Variants in GLMN observed in about 807,000 individuals in gnomAD.
GLMN encodes glomulin.
A neutral mutation model predicts 87.8 loss-of-function variants in GLMN; 75 were observed. That is an observed-to-expected ratio of 0.85 (90% confidence interval 0.71 to 1.04). The LOEUF (loss-of-function observed/expected upper bound fraction) is 1.04, where lower values mean the gene tolerates loss of function less well. Ranked by LOEUF, GLMN falls within the 50% of genes least tolerant of loss-of-function variation. The pLI is 0.00. For synonymous variants in GLMN, 206 were observed against 221.6 expected (o/e 0.93, Z 0.63); for missense variants, 588 against 658.8 (o/e 0.89, Z 1.18).
At chr1:92,358,497 T>C in the GLMN span, among the ~76,000 whole-genome samples, 2,122 of 152,332 alleles carry the variant, frequency 0.014, 49 homozygotes, top group African/African-American at 0.047. Flanking sequence ...TTAGCACTTA[T>C]CCTGTTTTCA....
the GLMN span, among the ~76,000 whole-genome samples, chr1:92,313,466 G>T: frequency 8.8e-5 from 13 of 147,030 alleles, no homozygotes; most frequent in African/African-American, 2.7e-4. Flanking sequence ...TTGAGCAGTA[G>T]GTTTCAACAG....
At chr1:92,294,616 T>C (rs1028190778) in intron 3 of GLMN, among the ~76,000 whole-genome samples, 3 of 152,172 alleles carry the variant, frequency 2.0e-5, no homozygotes, top group Non-Finnish European at 4.4e-5. Flanking sequence ...TAGGTGAAGA[T>C]AATAGTAAAT....
At chr1:92,257,246 A>G (rs957441749) in intron 16 of GLMN, among the ~76,000 whole-genome samples, 1 of 151,798 alleles carries the variant, frequency 6.6e-6, no homozygotes, top group Non-Finnish European at 1.5e-5. Context: ...TCAAAGAAAT[A>G]AGAGAGGACA....
chr1:92,292,441 C>T (rs994187144), intron 3 of GLMN, among the ~76,000 whole-genome samples: 10 of 151,908 alleles, frequency 6.6e-5, no homozygotes, highest in South Asian at 2.1e-4. Context: ...AACTGAGTCT[C>T]GCTCTGTCGC....
At chr1:92,356,202 C>G in the GLMN span, among the ~76,000 whole-genome samples, 1 of 151,938 alleles carries the variant, frequency 6.6e-6, no homozygotes. Flanking sequence ...GGTCTCAACT[C>G]CTGGTTTCAA....
At chr1:92,251,517 G>A (rs1418230728) in intron 16 of GLMN, among the ~76,000 whole-genome samples, 2 of 152,086 alleles carry the variant, frequency 1.3e-5, no homozygotes, top group Admixed American at 6.6e-5. Flanking sequence ...AATTACCTTT[G>A]TGATCTGGGT....
the GLMN span, chr1:92,345,765 A>G: frequency 6.8e-6 from 6 of 879,716 alleles, no homozygotes; most frequent in Admixed American, 6.7e-5. Context: ...GCACATTATT[A>G]TAAATCTGAT....
the GLMN span, chr1:92,304,337 T>C: frequency 6.6e-7 from 1 of 1,518,386 alleles, no homozygotes; most frequent in African/African-American, 1.4e-5. Flanking sequence ...TCTATGATAT[T>C]ACTGAAAGAA....
Position 92,288,967 on chromosome 1 carries a change from A to G in GLMN, c.579T>C (p.Asp193=), listed in dbSNP as rs541473390. Residue 193 remains aspartate (D), a synonymous_variant, in exon 6 of 19, where the codon GAT becomes GAC. Transcript: ENST00000370360. ...FTKPFVEEVI[D]NKENSLENEK... Reference sequence around the variant, plus strand: ...CATTTTCCAGTGAGTTTTCTTTGTTATCAATGACTTCTTCCACAAAAGGCT... The same window carrying G: ...CATTTTCCAGTGAGTTTTCTTTGTTGTCAATGACTTCTTCCACAAAAGGCT... The G allele has an allele frequency of 5.0e-6, 8 of 1,612,018 alleles. No individual in the cohort carries two copies. In the South Asian group the frequency reaches 7.7e-5, roughly 15 times the overall value.
the GLMN span, among the ~76,000 whole-genome samples, chr1:92,361,092 AAT>A: frequency 6.0e-4 from 72 of 120,078 alleles, no homozygotes; most frequent in East Asian, 0.013. Flanking sequence ...ATATATATAT[AAT>A]ATATATATAC....
chr1:92,283,171 C>CA (rs1164335066), intron 7 of GLMN, among the ~76,000 whole-genome samples: 2 of 151,900 alleles, frequency 1.3e-5, no homozygotes, highest in East Asian at 1.9e-4. Flanking sequence ...AGAGACACAA[C>CA]AAAAAAAGAG....
the GLMN span, among the ~76,000 whole-genome samples, chr1:92,330,893 C>T: frequency 2.0e-5 from 3 of 152,134 alleles, no homozygotes; most frequent in Non-Finnish European, 4.4e-5. Context: ...GTTAGAAATG[C>T]AGACTCTTAT....
the GLMN span, among the ~76,000 whole-genome samples, chr1:92,360,404 A>C: frequency 6.6e-6 from 1 of 152,300 alleles, no homozygotes; most frequent in East Asian, 1.9e-4. Context: ...AGACGGAGCA[A>C]ATGCCGACTA....
chr1:92,296,782 TATA>T (rs1650115739), intron 3 of GLMN, among the ~76,000 whole-genome samples: 1 of 152,230 alleles, frequency 6.6e-6, no homozygotes, highest in Non-Finnish European at 1.5e-5. Flanking sequence ...TACTGGCTAG[TATA>T]ATGACATATC....
At chr1:92,356,604 T>C in the GLMN span, among the ~76,000 whole-genome samples, 2 of 147,450 alleles carry the variant, frequency 1.4e-5, no homozygotes, top group Non-Finnish European at 3.0e-5. Flanking sequence ...TTTTTTTTTT[T>C]CTGTATTTTT....
chr1:92,344,330 G>A, the GLMN span, among the ~76,000 whole-genome samples: 2 of 152,080 alleles, frequency 1.3e-5, no homozygotes, highest in Non-Finnish European at 2.9e-5. Context: ...GCTTGAACTC[G>A]GGAGGTGGAG....
intron 6 of GLMN, among the ~76,000 whole-genome samples, chr1:92,288,656 T>C (rs1649053224): frequency 6.6e-6 from 1 of 152,140 alleles, no homozygotes; most frequent in African/African-American, 2.4e-5. Context: ...CTCAAACTCC[T>C]GGCCCCAAGC....
At chr1:92,248,282 A>G (rs2100770487) in intron 16 of GLMN, 1 of 284,460 alleles carries the variant, frequency 3.5e-6, no homozygotes, top group South Asian at 4.0e-5. Context: ...AAATTCACAG[A>G]CGTCTCTTCC....
chr1:92,276,487 C>T (rs1647307212), intron 7 of GLMN, among the ~76,000 whole-genome samples: 2 of 151,928 alleles, frequency 1.3e-5, no homozygotes, highest in East Asian at 1.9e-4. Flanking sequence ...CATGGTGAAA[C>T]CCCATCTCTA....
Sources: gnomAD v4.1 joint callset for allele counts (sites outside exome capture counted in the v4.1 genomes callset) on GRCh38, gnomAD v4.1.1 for gene constraint, MANE v1.5 for transcripts, NCBI Gene and HGNC (gene_info 2026-07-23, HGNC 2026-07-21) for gene names.